ABCA7: variants seen among roughly 807,000 people sequenced by gnomAD.
ABCA7 encodes the protein phospholipid-transporting ATPase ABCA7.
Under a neutral mutation model 227.6 loss-of-function variants are expected in ABCA7, and 261 were observed. The ratio of observed to expected loss-of-function variants is 1.15; its 90% CI spans 1.04 to 1.27. The LOEUF is 1.27. Among genes scored for constraint, ABCA7 ranks in the 50% most tolerant of loss-of-function variants. ABCA7 has a pLI of 0.00. For synonymous variants in ABCA7, 1,488 were observed against 1,279.7 expected, an observed-to-expected ratio of 1.16 and a Z score of -3.47; for missense variants, 3,331 against 2,924.5, an observed-to-expected ratio of 1.14 and a Z score of -3.21.
chr19:1,065,495 C>T lies in ABCA7; in HGVS notation c.*70C>T. The stretch of plus-strand genomic sequence containing the variant: ...AGGGCAAGGTAGAGTGCCTAGGAGC[C>T]CTGGACTCAGGCTGGCAGAGGGGCT... On this transcript the variant is annotated 3_prime_UTR_variant, in exon 47 of 47. Transcript: ENST00000263094. 6.5e-7 allele frequency: 1 copy of T among 1,549,916 alleles called. No individual in the cohort carries two copies. The highest frequency in any genetic ancestry group is 1.4e-5 in the African/African-American group (1 of 73,242).
intron 13 of ABCA7, among the ~76,000 whole-genome samples, 194 bp from the exon 14 acceptor site, chr19:1,046,608 G>C (rs1416725396): frequency 6.6e-6 from 1 of 152,100 alleles, no homozygotes; most frequent in Admixed American, 6.5e-5. Flanking sequence ...GGGTCTGGGG[G>C]CCCCCGGCGC....
At chr19:1,047,872 C>T (rs758371032) in intron 16 of ABCA7, among the ~76,000 whole-genome samples, 2 of 152,208 alleles carry the variant, frequency 1.3e-5, no homozygotes, top group Non-Finnish European at 2.9e-5. Flanking sequence ...CCTGGACGCC[C>T]TGATTCCAGG....
intron 16 of ABCA7, among the ~76,000 whole-genome samples, chr19:1,048,687 T>C (rs2041005150): frequency 6.7e-6 from 1 of 149,710 alleles, no homozygotes; most frequent in African/African-American, 2.5e-5. Context: ...CGGGCGCCTG[T>C]AGTCCCAGCT....
Position 1,054,382 on chromosome 19 carries a change from G to A in ABCA7, c.3726+41G>A. On this transcript the variant is annotated intron_variant, in intron 27 of 46. Coordinates refer to ENST00000263094, the MANE Select transcript of ABCA7 (RefSeq NM_019112.4). The surrounding 1 kb of genome is among the most constrained non-coding windows in gnomAD (Gnocchi z 4.8). ...ACCAGGGAGTCGCATGGGAGTCCCT[G>A]AGTTCCCTACCCTGGCCGTCCACTC... 6.4e-7 allele frequency: 1 copy of A among 1,568,146 alleles called. No individual in the cohort carries two copies. The highest frequency in any genetic ancestry group is 8.6e-7 in the Non-Finnish European group (1 of 1,160,876).
In ABCA7 at chr19:1,043,187, G is replaced by A; in HGVS notation, c.726G>A (p.Glu242=). The A allele has an allele frequency of 4.3e-6, 7 of 1,610,414 alleles. No individual in the cohort carries two copies. The highest frequency in any genetic ancestry group is 5.1e-6 in the Non-Finnish European group (6 of 1,177,964). ...STVGPSLNWY[E]ASDLMELVGQ... ...TGGGCCCCTCCCTCAACTGGTACGA[G>A]GCTAGTGACCTGATGGAGCTGGTGG... Residue 242 remains glutamate (E), a synonymous_variant, in exon 8 of 47, where the codon GAG becomes GAA. Transcript: ENST00000263094.
At chr19:1,047,421 C>T (rs201280159) in intron 15 of ABCA7, 32 bp from the exon 16 acceptor site, 13 of 1,537,526 alleles carry the variant, frequency 8.5e-6, no homozygotes, top group East Asian at 4.8e-5. Context: ...CCCCCCGCTT[C>T]GGCCGCTCAC....
chr19:1,054,598 T>C lies in ABCA7; in HGVS notation c.3755T>C (p.Leu1252Pro), dbSNP rs780517183. The change falls in exon 28 of 47, where the codon CTG (leucine) becomes CCG (proline). Residue 1252 changes from leucine to proline, a missense_variant. Coordinates refer to ENST00000263094, the MANE Select transcript of ABCA7 (RefSeq NM_019112.4). The surrounding 1 kb of genome is among the most constrained non-coding windows in gnomAD (Gnocchi z 4.8). ...QIVLPALFVG[L>P]ALVFSLIVPP... is the part of the protein sequence containing the mutation. ...GTGCTGCCTGCCCTCTTTGTGGGCC[T>C]GGCCCTCGTGTTCAGCCTCATCGTG... 1.9e-6 allele frequency: 3 copies of C among 1,612,538 alleles called. No homozygotes were observed. In the East Asian group the frequency reaches 6.7e-5, roughly 36 times the overall value.
chr19:1,044,499 C>T lies in ABCA7; in HGVS notation c.1048-78C>T. On this transcript the variant is annotated intron_variant, in intron 10 of 46. Transcript: ENST00000263094. ...CTGACCTCAGGTGATCCACCCGCCT[C>T]GCCTCCCAAAGTGCTGGGATTACAG... 7 of 1,509,382 alleles carry T rather than the reference C, an allele frequency of 4.6e-6. No homozygotes were observed. The South Asian group carries it at 7.6e-5, about 16-fold the overall frequency. The allele number at this position is 1,509,382 out of a possible 1,614,324, so 93.5% of individuals were successfully genotyped here. A position where few individuals can be genotyped will look rare whatever the true frequency, so the allele number is the denominator to read the frequency against.
chr19:1,053,291 G>T (rs758582269), intron 23 of ABCA7, 38 bp from the exon 24 acceptor site: 1 of 1,584,096 alleles, frequency 6.3e-7, no homozygotes, highest in African/African-American at 1.3e-5. Flanking sequence ...GGTGGGGCGT[G>T]AGCCGGGGCT....
Position 1,063,801 on chromosome 19 carries a change from C to G in ABCA7, c.5889C>G (p.Phe1963Leu). 6.5e-7 allele frequency: 1 copy of G among 1,546,514 alleles called. No individual in the cohort carries two copies. The highest frequency in any genetic ancestry group is 8.7e-7 in the Non-Finnish European group (1 of 1,145,690). ...TTGMDPSARR[F>L]LWNSLLAVVR... ...GCATGGACCCCAGCGCGCGGCGCTTCCTTTGGAACAGCCTTTTGGCCGTGG... is the reference window on the plus strand; with the variant it reads ...GCATGGACCCCAGCGCGCGGCGCTTGCTTTGGAACAGCCTTTTGGCCGTGG... Residue 1963 changes from phenylalanine (F) to leucine (L), a missense_variant, in exon 44 of 47, where the codon TTC becomes TTG. Coordinates refer to ENST00000263094, the MANE Select transcript of ABCA7 (RefSeq NM_019112.4).
At chr19:1,062,439 C>T (rs896916815) in intron 42 of ABCA7, 126 bp downstream of exon 42, 2 of 1,444,860 alleles carry the variant, frequency 1.4e-6, no homozygotes, top group Non-Finnish European at 1.9e-6. Flanking sequence ...GCCCCCAGAC[C>T]GTGCTTCCTT....
rs745871063 is a variant in ABCA7, at chr19:1,054,250, AG to A, written c.3638del (p.Gly1213AlafsTer4). On this transcript the variant is annotated frameshift_variant, in exon 27 of 47. Coordinates refer to ENST00000263094, the MANE Select transcript of ABCA7 (RefSeq NM_019112.4). LOFTEE classifies it high-confidence loss of function. The surrounding 1 kb of genome is among the most constrained non-coding windows in gnomAD (Gnocchi z 4.8). The part of the protein sequence containing the change: ...GSGPDAVGRV[Q>X]GWALTRQQLQ... ...GGGCCAGACGCCGTGGGCCGGGTAC[AG>A]GGCTGGGCACTGACCCGCCAGCAGC... The A allele has an allele frequency of 9.1e-5, 146 of 1,608,898 alleles. No homozygotes were observed. Among genetic ancestry groups the A allele is most frequent in the Non-Finnish European group, 1.2e-4 (141 of 1,178,826 alleles).
chr19:1,044,843 C>G lies in ABCA7; in HGVS notation c.1215+99C>G, dbSNP rs527445986. 112 of 1,476,534 alleles carry G rather than the reference C, an allele frequency of 7.6e-5. No homozygotes were observed. The African/African-American group carries it at 1.5e-3, about 19-fold the overall frequency. 91.5% of individuals were successfully genotyped at this position (1,476,534 alleles called of 1,614,324 possible). On this transcript the variant is annotated intron_variant, in intron 11 of 46. Coordinates refer to ENST00000263094, the MANE Select transcript of ABCA7 (RefSeq NM_019112.4). Reference sequence around the variant, plus strand: ...GTTCCCAGGGGGAGGCGGGCCCGGCCCTAGTAAGAGCCTGGGATTTGTAGA... The same window carrying G: ...GTTCCCAGGGGGAGGCGGGCCCGGCGCTAGTAAGAGCCTGGGATTTGTAGA...
rs1599720082 is a variant in ABCA7, at chr19:1,061,675, G to T, written c.5464-107G>T. On this transcript the variant is annotated intron_variant, in intron 40 of 46. Coordinates refer to ENST00000263094, the MANE Select transcript of ABCA7 (RefSeq NM_019112.4). Reference sequence around the variant, plus strand: ...GATCGCACCACTGCAGTCCAGCCTGGGAAACAAGAGCAAAACTTGGTCTCA... The same window carrying T: ...GATCGCACCACTGCAGTCCAGCCTGTGAAACAAGAGCAAAACTTGGTCTCA... 8.3e-6 allele frequency: 9 copies of T among 1,090,310 alleles called. No individual in the cohort carries two copies. In the East Asian group the frequency reaches 2.4e-4, roughly 29 times the overall value. The allele number at this position is 1,090,310 out of a possible 1,614,324, so 67.5% of individuals were successfully genotyped here. A position where few individuals can be genotyped will look rare whatever the true frequency, so the allele number is the denominator to read the frequency against.
intron 6 of ABCA7, 163 bp downstream of exon 6, chr19:1,042,560 T>C (rs768453311): frequency 9.5e-7 from 1 of 1,048,484 alleles, no homozygotes; most frequent in African/African-American, 1.6e-5. Context: ...AGACAGAGTG[T>C]GTCTGACCCA....
chr19:1,045,270 C>T (rs1161657048), intron 12 of ABCA7, 39 bp downstream of exon 12: 4 of 791,876 alleles, frequency 5.1e-6, no homozygotes, highest in South Asian at 4.4e-5. Context: ...AGGGACTGGG[C>T]GGGGCCAAGA....
At chr19:1,050,543 G>A (rs1452067310) in intron 18 of ABCA7, among the ~76,000 whole-genome samples, 10 of 151,966 alleles carry the variant, frequency 6.6e-5, no homozygotes, top group African/African-American at 1.7e-4. Context: ...GGGCCGAGGC[G>A]GGTGGATCAC....
intron 11 of ABCA7, 115 bp downstream of exon 11, chr19:1,044,859 G>A: frequency 6.8e-7 from 1 of 1,465,382 alleles, no homozygotes; most frequent in Non-Finnish European, 9.1e-7. Context: ...AAGAGCCTGG[G>A]ATTTGTAGAG....
At position 1,051,197 on chromosome 19, in the gene ABCA7, G is replaced by A; in HGVS notation, c.2727G>A (p.Lys909=). The part of the protein sequence containing the change: ...DEHVWFYGRL[K]GLSAAVVGPE... The stretch of plus-strand genomic sequence containing the variant: ...ACGTCTGGTTCTATGGGCGGCTGAA[G>A]GGTCTGAGTGCCGCTGTAGTGGGCC... Residue 909 remains lysine, a synonymous_variant, in exon 20 of 47, where the codon AAG becomes AAA. Transcript: ENST00000263094. The A allele has an allele frequency of 6.2e-7, 1 of 1,611,260 alleles. No individual in the cohort carries two copies. The highest frequency in any genetic ancestry group is 8.5e-7 in the Non-Finnish European group (1 of 1,179,914).
Sources: allele counts gnomAD v4.1 joint callset (sites outside exome capture counted in the v4.1 genomes callset), GRCh38; gene constraint gnomAD v4.1.1; non-coding constraint Gnocchi (gnomAD v3.1); transcripts MANE v1.5; gene names NCBI Gene and HGNC (gene_info 2026-07-23, HGNC 2026-07-21).